Variants in DPYD observed in about 807,000 individuals in gnomAD.
DPYD encodes dihydropyrimidine dehydrogenase, also known as dihydropyrimidine dehydrogenase [NADP(+)].
In DPYD, 109 loss-of-function variants were observed where a neutral mutation model predicts 116.2. That is an observed-to-expected ratio of 0.94 (90% CI 0.80 to 1.10). The LOEUF (loss-of-function observed/expected upper bound fraction) is 1.10, where lower values mean the gene tolerates loss of function less well. Ranked by LOEUF, DPYD falls within the 50% of genes least tolerant of loss-of-function variation. The pLI, the probability that DPYD is intolerant of heterozygous loss-of-function variation, is 0.00. For missense variants in DPYD, 1,302 were observed against 1,254.5 expected, an observed-to-expected ratio of 1.04 and a Z score of -0.57; for synonymous variants, 440 against 432.0, an observed-to-expected ratio of 1.02 and a Z score of -0.23.
chr1:97,222,704 TGA>T (rs1660857002), intron 19 of DPYD, among the ~76,000 whole-genome samples: 1 of 152,084 alleles, frequency 6.6e-6, no homozygotes, highest in Non-Finnish European at 1.5e-5. Flanking sequence ...GTGAGAATAT[TGA>T]GTTTCCATTT....
At chr1:97,516,940 A>G (rs984318293) in intron 12 of DPYD, among the ~76,000 whole-genome samples, 3 of 152,116 alleles carry the variant, frequency 2.0e-5, no homozygotes, top group African/African-American at 4.8e-5. Flanking sequence ...TAGTTAATTC[A>G]AAAGTAGAAA....
chr1:97,444,988 G>A (rs138939300), intron 14 of DPYD, among the ~76,000 whole-genome samples: 18 of 152,198 alleles, frequency 1.2e-4, no homozygotes, highest in Admixed American at 7.2e-4. Context: ...GAGACCTAAC[G>A]GCATGCCAGG....
intron 3 of DPYD, among the ~76,000 whole-genome samples, chr1:97,783,376 TTTTA>T (rs1171240228): frequency 5.3e-5 from 8 of 152,094 alleles, no homozygotes; most frequent in African/African-American, 1.9e-4. Context: ...TGTTATTTTA[TTTTA>T]TTTTTTATTT....
intron 2 of DPYD, among the ~76,000 whole-genome samples, chr1:97,851,180 C>T (rs527237738): frequency 2.0e-5 from 3 of 151,362 alleles, no homozygotes; most frequent in Non-Finnish European, 4.4e-5. Flanking sequence ...TTCATTTAGA[C>T]TTTTATACAC....
intron 3 of DPYD, among the ~76,000 whole-genome samples, chr1:97,818,907 C>A (rs1668776011): frequency 6.6e-6 from 1 of 151,892 alleles, no homozygotes; most frequent in Non-Finnish European, 1.5e-5. Flanking sequence ...CATATACATA[C>A]ATTCATATTA....
chr1:97,361,747 T>C (rs1036533390), intron 16 of DPYD, among the ~76,000 whole-genome samples: 3 of 152,254 alleles, frequency 2.0e-5, no homozygotes, highest in East Asian at 1.9e-4. Context: ...TTCAATAAAA[T>C]TGAACAGCCT....
At chr1:97,128,678 A>G (rs1653039882) in intron 20 of DPYD, among the ~76,000 whole-genome samples, 1 of 152,140 alleles carries the variant, frequency 6.6e-6, no homozygotes, top group Non-Finnish European at 1.5e-5. Context: ...TAGCAGGAAC[A>G]CTGCAGTATA....
At chr1:97,446,345 G>T (rs1276921008) in intron 14 of DPYD, among the ~76,000 whole-genome samples, 1 of 152,150 alleles carries the variant, frequency 6.6e-6, no homozygotes, top group East Asian at 1.9e-4. Context: ...CTTCGCCAGA[G>T]TGCCTAAGGA....
chr1:97,542,389 T>C (rs72975707), intron 12 of DPYD, among the ~76,000 whole-genome samples: 2,373 of 152,290 alleles, frequency 0.016, 67 homozygotes, highest in African/African-American at 0.054. Flanking sequence ...TAGTGGAGCT[T>C]GGTCTGGATT....
At chr1:97,315,128 A>G (rs569368948) in intron 16 of DPYD, among the ~76,000 whole-genome samples, 1 of 152,062 alleles carries the variant, frequency 6.6e-6, no homozygotes, top group South Asian at 2.1e-4. Context: ...GTCTAAGAAA[A>G]ATACATGCAG....
chr1:97,861,001 A>G (rs1416780608), intron 2 of DPYD, among the ~76,000 whole-genome samples: 1 of 152,016 alleles, frequency 6.6e-6, no homozygotes, highest in Admixed American at 6.6e-5. Flanking sequence ...CACTTATAGA[A>G]AACTAAAATG....
intron 1 of DPYD, among the ~76,000 whole-genome samples, chr1:97,918,563 T>C (rs1229185056): frequency 6.6e-6 from 1 of 152,176 alleles, no homozygotes; most frequent in African/African-American, 2.4e-5. Flanking sequence ...TCCATGTTCC[T>C]AACCGTCAAA....
chr1:97,238,962 A>G (rs948359532), intron 18 of DPYD, among the ~76,000 whole-genome samples: 2 of 152,180 alleles, frequency 1.3e-5, no homozygotes, highest in African/African-American at 4.8e-5. Context: ...CTGAGTTCCC[A>G]CGTTTTGAAA....
chr1:97,788,607 G>A (rs1398844157), intron 3 of DPYD, among the ~76,000 whole-genome samples: 2 of 152,150 alleles, frequency 1.3e-5, no homozygotes, highest in Admixed American at 1.3e-4. Flanking sequence ...TTGAGGTTTG[G>A]AATGGTTGAT....
At chr1:97,345,680 G>C (rs933304912) in intron 16 of DPYD, among the ~76,000 whole-genome samples, 1 of 152,050 alleles carries the variant, frequency 6.6e-6, no homozygotes, top group East Asian at 1.9e-4. Flanking sequence ...AAGGCTTCTA[G>C]TCTTGATTAC....
chr1:97,704,836 C>A (rs972903729), intron 5 of DPYD, among the ~76,000 whole-genome samples: 6 of 151,718 alleles, frequency 4.0e-5, no homozygotes, highest in Non-Finnish European at 7.4e-5. Context: ...GGGTCAACTG[C>A]CGAAACAATG....
At chr1:97,891,753 A>G (rs1293011958) in intron 1 of DPYD, among the ~76,000 whole-genome samples, 1 of 151,892 alleles carries the variant, frequency 6.6e-6, no homozygotes, top group Non-Finnish European at 1.5e-5. Context: ...TTGAATTCCA[A>G]TTGCAGGAAG....
intron 13 of DPYD, among the ~76,000 whole-genome samples, chr1:97,515,237 CATA>C (rs1222661067): frequency 6.6e-6 from 1 of 151,836 alleles, no homozygotes; most frequent in East Asian, 1.9e-4. Flanking sequence ...AGTACAAAGT[CATA>C]ATGTTAAATG....
intron 13 of DPYD, among the ~76,000 whole-genome samples, chr1:97,490,675 G>A (rs1017896753): frequency 6.6e-6 from 1 of 151,256 alleles, no homozygotes; most frequent in Non-Finnish European, 1.5e-5. Flanking sequence ...GTGAACTTAG[G>A]TGTACAGTTT....
Sources: gnomAD v4.1 joint callset for allele counts (sites outside exome capture counted in the v4.1 genomes callset) on GRCh38, gnomAD v4.1.1 for gene constraint, MANE v1.5 for transcripts, NCBI Gene and HGNC (gene_info 2026-07-23, HGNC 2026-07-21) for gene names.